The following SMARCA5 variants were observed in gnomAD, a reference collection of about 807,000 sequenced individuals.
SMARCA5 encodes SWI/SNF-related matrix-associated actin-dependent regulator of chromatin subfamily A member 5.
A neutral mutation model predicts 140.4 loss-of-function variants in SMARCA5; 18 were observed. The observed-to-expected ratio is 0.13, with a 90% CI of 0.09 to 0.19. The LOEUF is 0.19. SMARCA5 is among the 10% of genes least tolerant of loss of function. The pLI is 1.00. For missense variants in SMARCA5, 606 were observed against 1,276.8 expected (o/e 0.47, Z 8.01); for synonymous variants, 449 against 419.6 (o/e 1.07, Z -0.86).
Position 143,554,832 on chromosome 4 carries a change from A to C in SMARCA5, c.*1648A>C. On this transcript the variant is annotated 3_prime_UTR_variant, in exon 24 of 24. Transcript: ENST00000283131. ...GGAGGTCACAAAAGTGATGTTTTCA[A>C]GAGGAGGAGAAACTGGGAGGGAGAT... 1 of 194,316 alleles carries C rather than the reference A, an allele frequency of 5.1e-6. No individual in the cohort carries two copies. The highest frequency in any genetic ancestry group is 1.1e-5 in the Non-Finnish European group (1 of 94,774). 12.0% of individuals were successfully genotyped at this position (194,316 alleles called of 1,614,324 possible).
At chr4:143,517,312 T>TA in intron 1 of SMARCA5, 43 bp from the exon 2 acceptor site, 1 of 1,442,262 alleles carries the variant, frequency 6.9e-7, no homozygotes, top group South Asian at 1.2e-5. Flanking sequence ...GTATGTTTAC[T>TA]ATTTTCGAAG....
chr4:143,546,841 T>C lies in SMARCA5; in HGVS notation c.2586T>C (p.Arg862=), dbSNP rs1454377574. The change falls in exon 20 of 24, where the codon CGT becomes CGC. Residue 862 remains arginine, a synonymous_variant. Coordinates refer to ENST00000283131, the MANE Select transcript of SMARCA5 (RefSeq NM_003601.4). ...TCAAAGCTAATGAGAAGTGGGGTCG[T>C]GATGATATTGAAAATATAGCAAGAG... ...QFIKANEKWG[R]DDIENIAREV... The C allele has an allele frequency of 2.5e-6, 4 of 1,612,206 alleles. No homozygotes were observed. Among genetic ancestry groups the C allele is most frequent in the South Asian group, 2.2e-5 (2 of 90,998 alleles).
At chr4:143,528,120 C>A in intron 7 of SMARCA5, 97 bp downstream of exon 7, 1 of 907,164 alleles carries the variant, frequency 1.1e-6, no homozygotes, top group Non-Finnish European at 1.6e-6. Flanking sequence ...GATACATGTG[C>A]AGAACGTGCA....
At chr4:143,530,303 C>T (rs924701923) in intron 8 of SMARCA5, among the ~76,000 whole-genome samples, 155 bp from the exon 9 acceptor site, 1 of 152,126 alleles carries the variant, frequency 6.6e-6, no homozygotes, top group Non-Finnish European at 1.5e-5. Flanking sequence ...AAATTAGTAA[C>T]AATGACACAT....
intron 6 of SMARCA5, 94 bp downstream of exon 6, chr4:143,526,554 G>T: frequency 1.3e-6 from 1 of 782,234 alleles, no homozygotes; most frequent in Non-Finnish European, 2.1e-6. Flanking sequence ...TAAATGAGAC[G>T]GGATCTTCGC....
rs1022107101 is a variant in SMARCA5 at position 143,555,173 on chromosome 4, C to T, written c.*1989C>T. ...GGAACTGCCTTAGCCACCTTGGTATCGTGGTTTGGCAAAGTATTGGCCTCT... is the reference window on the plus strand; with the variant it reads ...GGAACTGCCTTAGCCACCTTGGTATTGTGGTTTGGCAAAGTATTGGCCTCT... On this transcript the variant is annotated 3_prime_UTR_variant, in exon 24 of 24. Transcript: ENST00000283131. 16 of 721,848 alleles carry T rather than the reference C, an allele frequency of 2.2e-5. No individual in the cohort carries two copies. The highest frequency in any genetic ancestry group is 7.0e-5 in the Admixed American group (4 of 57,296). The allele number at this position is 721,848 out of a possible 1,614,324, so 44.7% of individuals were successfully genotyped here.
At chr4:143,523,712 C>T (rs1488649786) in intron 3 of SMARCA5, among the ~76,000 whole-genome samples, 1 of 152,278 alleles carries the variant, frequency 6.6e-6, no homozygotes, top group African/African-American at 2.4e-5. Context: ...AAATTAGATT[C>T]AGCGGTCTCA....
intron 9 of SMARCA5, 68 bp downstream of exon 9, chr4:143,530,594 G>T (rs1461893573): frequency 1.9e-6 from 2 of 1,064,906 alleles, no homozygotes; most frequent in Non-Finnish European, 2.8e-6. Flanking sequence ...TAAATTAGTA[G>T]ATTATTTTCC....
chr4:143,555,212 C>T lies in SMARCA5; in HGVS notation c.*2028C>T. On this transcript the variant is annotated 3_prime_UTR_variant, in exon 24 of 24. Transcript: ENST00000283131. ...GTATTGGCCTCTACCACCATAGGGC[C>T]CAGAGCTTCTGCCTCCAAAGTTTCC... 2.5e-6 allele frequency: 2 copies of T among 800,038 alleles called. No homozygotes were observed. The highest frequency in any genetic ancestry group is 4.4e-6 in the Non-Finnish European group (2 of 459,162). 49.6% of individuals were successfully genotyped at this position (800,038 alleles called of 1,614,324 possible).
chr4:143,524,862 C>G lies in SMARCA5; in HGVS notation c.520+395C>G, dbSNP rs969123103. 2.0e-5 allele frequency among the ~76,000 whole-genome samples: 3 copies of G among 151,740 alleles called. No homozygotes were observed. In the East Asian group the frequency reaches 5.8e-4, roughly 29 times the overall value. ...TTTGTTTATTGGTTAGCTTTTTATC[C>G]TCAAGTGTTTTTCAAAAGGAGATGG... is the stretch of plus-strand genomic sequence containing the variant. On this transcript the variant is annotated intron_variant, in intron 4 of 23. Coordinates refer to ENST00000283131, the MANE Select transcript of SMARCA5 (RefSeq NM_003601.4).
At position 143,555,569 on chromosome 4, in the gene SMARCA5, CTT is replaced by C. The variant is rs200963449; in HGVS notation, c.*2397_*2398del. 1,131 of 244,730 alleles carry C rather than the reference CTT, an allele frequency of 4.6e-3. 3 individuals carry two copies. Among genetic ancestry groups the C allele is most frequent in the East Asian group, 0.021 (199 of 9,390 alleles). 15.2% of individuals were successfully genotyped at this position (244,730 alleles called of 1,614,324 possible). ...TCTGATCATGATACTGAATAAATGT[CTT>C]TTTTTTTTTTTAACAACAAAGCATG... is the stretch of plus-strand genomic sequence containing the variant. On this transcript the variant is annotated 3_prime_UTR_variant, in exon 24 of 24. Coordinates refer to ENST00000283131, the MANE Select transcript of SMARCA5 (RefSeq NM_003601.4).
chr4:143,513,836 T>C lies in SMARCA5; in HGVS notation c.-89T>C, dbSNP rs1238182127. 1 of 1,416,528 alleles carries C rather than the reference T, an allele frequency of 7.1e-7. No homozygotes were observed. The highest frequency in any genetic ancestry group is 9.4e-7 in the Non-Finnish European group (1 of 1,059,130). 87.7% of individuals were successfully genotyped at this position (1,416,528 alleles called of 1,614,324 possible). A position where few individuals can be genotyped will look rare whatever the true frequency, so the allele number is the denominator to read the frequency against. Reference sequence around the variant, plus strand: ...GGAGTCTCGCTCCTCCACCAGTTTATTGCGACGTAGCATCCAGGCCTAGGC... The same window carrying C: ...GGAGTCTCGCTCCTCCACCAGTTTACTGCGACGTAGCATCCAGGCCTAGGC... On this transcript the variant is annotated 5_prime_UTR_variant, in exon 1 of 24. Transcript: ENST00000283131.
intron 14 of SMARCA5, among the ~76,000 whole-genome samples, chr4:143,541,143 C>T (rs1737418335): frequency 6.6e-6 from 1 of 152,182 alleles, no homozygotes; most frequent in South Asian, 2.1e-4. Flanking sequence ...CTTAAGTTCT[C>T]ATTCCAGATC....
chr4:143,535,665 A>G (rs1737287302), intron 10 of SMARCA5, among the ~76,000 whole-genome samples: 1 of 152,264 alleles, frequency 6.6e-6, no homozygotes, highest in Middle Eastern at 3.4e-3. Flanking sequence ...AGGAAAGACA[A>G]ATCTTTTTTA....
intron 5 of SMARCA5, among the ~76,000 whole-genome samples, chr4:143,525,775 T>A (rs1240764358): frequency 1.3e-5 from 2 of 152,202 alleles, no homozygotes; most frequent in Non-Finnish European, 2.9e-5. Context: ...GAGAAACATG[T>A]TTTTGGATGA....
At chr4:143,538,234 G>T (rs1737355498) in intron 11 of SMARCA5, among the ~76,000 whole-genome samples, 1 of 152,168 alleles carries the variant, frequency 6.6e-6, no homozygotes, top group Non-Finnish European at 1.5e-5. Flanking sequence ...TTAGGTGTGT[G>T]TTGGAGGTTT....
chr4:143,524,222 CAT>C, intron 3 of SMARCA5, 143 bp from the exon 4 acceptor site: 1 of 505,826 alleles, frequency 2.0e-6, no homozygotes, highest in Non-Finnish European at 3.6e-6. Context: ...TAAATGTACT[CAT>C]ATTTTCTACT....
chr4:143,514,283 T>G (rs1427451566), intron 1 of SMARCA5, 182 bp downstream of exon 1: 5 of 557,420 alleles, frequency 9.0e-6, no homozygotes, highest in Non-Finnish European at 1.5e-5. Context: ...CTATTCGAGC[T>G]AAGCAAAATG....
chr4:143,520,897 C>T (rs983964803), intron 2 of SMARCA5, among the ~76,000 whole-genome samples: 3 of 152,098 alleles, frequency 2.0e-5, no homozygotes, highest in Admixed American at 2.0e-4. Context: ...TAGTATCAAT[C>T]CCAATACCGT....
Sources: allele counts gnomAD v4.1 joint callset (sites outside exome capture counted in the v4.1 genomes callset), GRCh38; gene constraint gnomAD v4.1.1; transcripts MANE v1.5; gene names NCBI Gene and HGNC (gene_info 2026-07-23, HGNC 2026-07-21).